MCUB: variants seen among roughly 807,000 people sequenced by gnomAD.
The protein encoded by MCUB is mitochondrial calcium uniporter dominant negative subunit beta, also known as calcium uniporter regulatory subunit MCUb, mitochondrial.
MCUB carries 46 observed loss-of-function variants against 41.4 expected under a neutral mutation model. That is an observed-to-expected ratio of 1.11 (90% CI 0.88 to 1.42). The LOEUF is 1.42. Among genes scored for constraint, MCUB ranks in the 40% most tolerant of loss-of-function variants. MCUB has a pLI of 0.00. For synonymous variants in MCUB, 148 were observed against 148.2 expected, an observed-to-expected ratio of 1.00 and a Z score of 0.01; for missense variants, 403 against 404.9, an observed-to-expected ratio of 1.00 and a Z score of 0.04.
intron 1 of MCUB, among the ~76,000 whole-genome samples, chr4:109,637,143 G>T (rs1728612202): frequency 6.6e-6 from 1 of 152,224 alleles, no homozygotes; most frequent in South Asian, 2.1e-4. Flanking sequence ...AGACTTACCT[G>T]CTGATGAGGA....
intron 1 of MCUB, among the ~76,000 whole-genome samples, chr4:109,565,197 G>A (rs1003917233): frequency 5.3e-5 from 8 of 152,184 alleles, no homozygotes; most frequent in African/African-American, 1.7e-4. Context: ...GAAACTATGA[G>A]TACTGTAAAT....
At chr4:109,592,062 T>C (rs1727448926) in intron 1 of MCUB, among the ~76,000 whole-genome samples, 1 of 152,174 alleles carries the variant, frequency 6.6e-6, no homozygotes, top group Admixed American at 6.5e-5. Context: ...TTCTGCTGTT[T>C]TAATTCTTTA....
intron 1 of MCUB, among the ~76,000 whole-genome samples, chr4:109,608,489 T>C (rs1013178816): frequency 1.3e-5 from 2 of 151,642 alleles, no homozygotes; most frequent in African/African-American, 4.8e-5. Context: ...AAGTTAGGTT[T>C]TGTTTTGTTT....
chr4:109,616,353 C>T (rs1454653887), intron 1 of MCUB, among the ~76,000 whole-genome samples: 3 of 152,172 alleles, frequency 2.0e-5, no homozygotes, highest in East Asian at 1.9e-4. Flanking sequence ...GACTAATGTA[C>T]CTTCCACTTC....
At chr4:109,678,581 C>G (rs1729632751) in intron 4 of MCUB, among the ~76,000 whole-genome samples, 1 of 146,704 alleles carries the variant, frequency 6.8e-6, no homozygotes, top group South Asian at 2.2e-4. Context: ...CTCCTCACCT[C>G]CCAGACAGGG....
chr4:109,627,278 A>C (rs1728381766), intron 1 of MCUB, among the ~76,000 whole-genome samples: 3 of 152,204 alleles, frequency 2.0e-5, no homozygotes, highest in South Asian at 4.1e-4. Flanking sequence ...GCATTTTGGA[A>C]GGAATGACAA....
chr4:109,574,570 C>G (rs1030053533), intron 1 of MCUB, among the ~76,000 whole-genome samples: 1 of 152,118 alleles, frequency 6.6e-6, no homozygotes, highest in African/African-American at 2.4e-5. Flanking sequence ...GTGTCCTCTA[C>G]TGAAAAAACT....
chr4:109,575,966 A>G (rs1408479339), intron 1 of MCUB, among the ~76,000 whole-genome samples: 2 of 152,152 alleles, frequency 1.3e-5, no homozygotes, highest in Admixed American at 6.5e-5. Flanking sequence ...CCTTCATTCA[A>G]TTGGCCACCT....
Position 109,652,389 on chromosome 4 carries a change from GA to G in MCUB, c.100-6617del, listed in dbSNP as rs1728980908. On this transcript the variant is annotated intron_variant, in intron 1 of 7. Coordinates refer to ENST00000394650, the MANE Select transcript of MCUB (RefSeq NM_017918.5). ...ATAAGCCATAATCTTGATTATACCT[GA>G]AAAACTCATTTCTTTCAGCCTTGCT... 3.9e-5 allele frequency among the ~76,000 whole-genome samples: 6 copies of G among 152,250 alleles called. No homozygotes were observed. The South Asian group carries it at 1.2e-3, about 32-fold the overall frequency.
chr4:109,561,041 C>T (rs1726615734), intron 1 of MCUB: 1 of 151,662 alleles, frequency 6.6e-6, no homozygotes, highest in Non-Finnish European at 1.5e-5. Context: ...GGCCTGACAC[C>T]GTTGTATTGT....
At chr4:109,666,176 G>A (rs928512873) in intron 4 of MCUB, among the ~76,000 whole-genome samples, 2 of 152,144 alleles carry the variant, frequency 1.3e-5, no homozygotes, top group African/African-American at 4.8e-5. Context: ...TTCATTATCT[G>A]TATGTACCAC....
At chr4:109,626,900 A>G (rs142832622) in intron 1 of MCUB, among the ~76,000 whole-genome samples, 2 of 151,920 alleles carry the variant, frequency 1.3e-5, no homozygotes, top group African/African-American at 4.8e-5. Context: ...CTTGAGGAGC[A>G]TTAGCTGCAT....
In MCUB at chr4:109,582,167, C is replaced by T. The variant is rs549024820; in HGVS notation, c.99+21731C>T. ...GATAGACCGGATTAAGAAAATGTGG[C>T]ACATATACACCATGGAATACTATGC... On this transcript the variant is annotated intron_variant, in intron 1 of 7. Coordinates refer to ENST00000394650, the MANE Select transcript of MCUB (RefSeq NM_017918.5). Among the ~76,000 whole-genome samples the T allele has an allele frequency of 2.1e-4, 32 of 151,690 alleles. 1 individual carries two copies. In the South Asian group the frequency reaches 5.7e-3, roughly 27 times the overall value.
At chr4:109,576,860 GT>G (rs796421277) in intron 1 of MCUB, among the ~76,000 whole-genome samples, 1 of 151,010 alleles carries the variant, frequency 6.6e-6, no homozygotes, top group African/African-American at 2.4e-5. Flanking sequence ...TTTCTTTCTT[GT>G]TTTTTTTTGA....
chr4:109,567,634 C>T (rs1302338711), intron 1 of MCUB, among the ~76,000 whole-genome samples: 4 of 119,296 alleles, frequency 3.4e-5, no homozygotes, highest in African/African-American at 3.4e-5. Flanking sequence ...AAGACGGTCT[C>T]GATCTCCAAA....
chr4:109,682,811 A>G (rs1178566835), intron 5 of MCUB, 69 bp downstream of exon 5: 1 of 1,220,058 alleles, frequency 8.2e-7, no homozygotes, highest in Non-Finnish European at 1.1e-6. Context: ...TCCTCATGTG[A>G]GCATTTTTCT....
intron 1 of MCUB, among the ~76,000 whole-genome samples, chr4:109,582,316 G>T (rs1164731947): frequency 7.2e-6 from 1 of 138,806 alleles, no homozygotes; most frequent in South Asian, 2.3e-4. Flanking sequence ...TCATAGGTGG[G>T]AATTGAACAA....
intron 1 of MCUB, among the ~76,000 whole-genome samples, chr4:109,636,567 G>GCTCA (rs1370311296): frequency 6.6e-6 from 1 of 152,216 alleles, no homozygotes; most frequent in African/African-American, 2.4e-5. Context: ...GGGCACAGTG[G>GCTCA]CTCACACCCA....
intron 1 of MCUB, among the ~76,000 whole-genome samples, chr4:109,652,881 T>C (rs942990376): frequency 1.3e-5 from 2 of 152,206 alleles, no homozygotes; most frequent in African/African-American, 4.8e-5. Flanking sequence ...GCCCCTATTA[T>C]GTTTCAGGCG....
Sources: allele counts gnomAD v4.1 joint callset (sites outside exome capture counted in the v4.1 genomes callset), GRCh38; gene constraint gnomAD v4.1.1; transcripts MANE v1.5; gene names NCBI Gene and HGNC (gene_info 2026-07-23, HGNC 2026-07-21).